Variants in MRTFB observed in about 807,000 individuals in gnomAD.
MRTFB encodes myocardin related transcription factor B, also known as myocardin-related transcription factor B.
Under a neutral mutation model 104.2 loss-of-function variants are expected in MRTFB, and 29 were observed. The ratio of observed to expected loss-of-function variants is 0.28; its 90% confidence interval spans 0.21 to 0.38. The LOEUF (loss-of-function observed/expected upper bound fraction) is 0.38, where lower values mean the gene tolerates loss of function less well. MRTFB is among the 10% of genes least tolerant of loss of function. The pLI, the probability that MRTFB is intolerant of heterozygous loss-of-function variation, is 1.00. For synonymous variants in MRTFB, 535 were observed against 519.5 expected (o/e 1.03, Z -0.41); for missense variants, 1,270 against 1,341.6 (o/e 0.95, Z 0.83).
At chr16:14,061,141 G>A in the MRTFB span, among the ~76,000 whole-genome samples, 4 of 151,064 alleles carry the variant, frequency 2.6e-5, no homozygotes, top group African/African-American at 7.3e-5. Context: ...GCAAGACTCC[G>A]TCTCAAAAAA....
At chr16:14,076,466 A>T (rs1025351142) in intron 1 of MRTFB, among the ~76,000 whole-genome samples, 2 of 152,208 alleles carry the variant, frequency 1.3e-5, no homozygotes, top group African/African-American at 4.8e-5. Context: ...AAGGGCTGGG[A>T]TTACAGGCAT....
intron 13 of MRTFB, among the ~76,000 whole-genome samples, chr16:14,250,738 C>T (rs909393060): frequency 5.3e-5 from 8 of 152,090 alleles, no homozygotes; most frequent in East Asian, 3.9e-4. Context: ...GGGTCTATGC[C>T]GCAAGGCTGC....
At chr16:14,191,968 C>T (rs992212693) in intron 3 of MRTFB, 1 of 152,124 alleles carries the variant, frequency 6.6e-6, no homozygotes, top group African/African-American at 2.4e-5. Context: ...TTACAAAGCA[C>T]ATGAATTTTG....
intron 3 of MRTFB, among the ~76,000 whole-genome samples, chr16:14,165,942 C>T (rs1199178437): frequency 1.3e-5 from 2 of 152,212 alleles, no homozygotes; most frequent in Non-Finnish European, 2.9e-5. Flanking sequence ...CTTGAAACGA[C>T]AAGAGGTATA....
chr16:14,220,053 G>A (rs917123331), intron 8 of MRTFB, among the ~76,000 whole-genome samples: 3 of 152,174 alleles, frequency 2.0e-5, no homozygotes, highest in African/African-American at 4.8e-5. Flanking sequence ...ACTCATCAGT[G>A]GTAGTGTGGA....
the MRTFB span, among the ~76,000 whole-genome samples, chr16:14,028,208 A>G: frequency 6.6e-6 from 1 of 152,116 alleles, no homozygotes; most frequent in East Asian, 1.9e-4. Context: ...ACACAACACA[A>G]CAAAACAAAA....
intron 6 of MRTFB, among the ~76,000 whole-genome samples, chr16:14,215,337 C>G (rs1217215457): frequency 6.6e-6 from 1 of 152,178 alleles, no homozygotes; most frequent in Non-Finnish European, 1.5e-5. Context: ...AAAACCACCA[C>G]CACTCCCAAC....
intron 2 of MRTFB, among the ~76,000 whole-genome samples, chr16:14,115,955 ACTCCAT>A (rs2036522353): frequency 6.6e-6 from 1 of 151,850 alleles, no homozygotes; most frequent in African/African-American, 2.4e-5. Flanking sequence ...GCCTCCTCCC[ACTCCAT>A]CTCCTTGCCT....
chr16:14,148,181 G>T (rs1254104299), intron 3 of MRTFB, among the ~76,000 whole-genome samples: 3 of 152,146 alleles, frequency 2.0e-5, no homozygotes, highest in Non-Finnish European at 2.9e-5. Context: ...AAATAAGTAT[G>T]ACTCAGCTAT....
chr16:14,069,462 A>G (rs2033567792), upstream of MRTFB, among the ~76,000 whole-genome samples: 1 of 152,252 alleles, frequency 6.6e-6, no homozygotes, highest in Non-Finnish European at 1.5e-5. Flanking sequence ...AGCTGCCATC[A>G]TACATCCCCT....
the MRTFB span, among the ~76,000 whole-genome samples, chr16:14,025,570 C>G: frequency 3.3e-5 from 5 of 152,280 alleles, no homozygotes; most frequent in East Asian, 9.6e-4. Flanking sequence ...GGAGCCCAGT[C>G]CTAGGTCATC....
chr16:14,013,806 C>A, the MRTFB span, among the ~76,000 whole-genome samples: 5 of 152,184 alleles, frequency 3.3e-5, no homozygotes, highest in African/African-American at 1.2e-4. Flanking sequence ...CTGCTAACCA[C>A]TTTCCCACTG....
intron 2 of MRTFB, among the ~76,000 whole-genome samples, chr16:14,098,751 G>C (rs1376723846): frequency 6.6e-6 from 1 of 152,126 alleles, no homozygotes; most frequent in Non-Finnish European, 1.5e-5. Flanking sequence ...TTTAGATTTA[G>C]TTGTTGCATG....
At chr16:14,061,832 G>C in the MRTFB span, among the ~76,000 whole-genome samples, 1 of 152,070 alleles carries the variant, frequency 6.6e-6, no homozygotes, top group African/African-American at 2.4e-5. Flanking sequence ...GGTGGGGAGG[G>C]AATAGATTTT....
chr16:14,013,185 G>A, the MRTFB span: 1 of 152,330 alleles, frequency 6.6e-6, no homozygotes, highest in Non-Finnish European at 1.5e-5. Flanking sequence ...AGCAAGGTGG[G>A]AGGCAGAGAT....
At chr16:14,097,217 T>C (rs1284714695) in intron 2 of MRTFB, among the ~76,000 whole-genome samples, 3 of 152,224 alleles carry the variant, frequency 2.0e-5, no homozygotes, top group South Asian at 2.1e-4. Flanking sequence ...ATAGAGTATA[T>C]GTGCAATAAA....
intron 3 of MRTFB, among the ~76,000 whole-genome samples, chr16:14,197,327 A>C (rs376460783): frequency 2.6e-4 from 40 of 152,206 alleles, no homozygotes; most frequent in African/African-American, 8.2e-4. Context: ...CTAAGTGGAG[A>C]AATCTACCAC....
intron 3 of MRTFB, among the ~76,000 whole-genome samples, chr16:14,147,690 C>T (rs1164167368): frequency 6.6e-6 from 1 of 152,168 alleles, no homozygotes; most frequent in Non-Finnish European, 1.5e-5. Flanking sequence ...AGAATGCTAA[C>T]ATGGGCTTGC....
chr16:14,199,210 C>T (rs1372661882), intron 3 of MRTFB, among the ~76,000 whole-genome samples: 1 of 152,250 alleles, frequency 6.6e-6, no homozygotes, highest in Non-Finnish European at 1.5e-5. Context: ...TACACACACC[C>T]TCCTGGTTCC....
Sources: gnomAD v4.1 joint callset for allele counts (sites outside exome capture counted in the v4.1 genomes callset) on GRCh38, gnomAD v4.1.1 for gene constraint, MANE v1.5 for transcripts, NCBI Gene and HGNC (gene_info 2026-07-23, HGNC 2026-07-21) for gene names.